The following USP46 variants were observed in gnomAD, a reference collection of about 807,000 sequenced individuals.
The protein encoded by USP46 is ubiquitin specific peptidase 46.
In USP46, 12 loss-of-function variants were observed where a neutral mutation model predicts 44.4. That is an observed-to-expected ratio of 0.27 (90% CI 0.17 to 0.44). The LOEUF (loss-of-function observed/expected upper bound fraction) is 0.44, where lower values mean the gene tolerates loss of function less well. USP46 is among the 20% of genes least tolerant of loss of function. USP46 has a pLI of 1.00. For synonymous variants in USP46, 155 were observed against 161.5 expected (o/e 0.96, Z 0.31); for missense variants, 248 against 444.8 (o/e 0.56, Z 3.98).
intron 1 of USP46, among the ~76,000 whole-genome samples, chr4:52,638,458 T>C (rs1718204300): frequency 1.3e-5 from 2 of 152,180 alleles, no homozygotes; most frequent in East Asian, 3.9e-4. Flanking sequence ...TATTTTTGTC[T>C]TTTTAAGCTA....
chr4:52,631,105 C>G lies in USP46; in HGVS notation c.76G>C (p.Glu26Gln). 1 of 1,567,934 alleles carries G rather than the reference C, an allele frequency of 6.4e-7. No homozygotes were observed. The highest frequency in any genetic ancestry group is 2.3e-5 in the East Asian group (1 of 43,300). ...ASALEKDIGPEQFPINEHYFG... is the reference protein window; with the variant it reads ...ASALEKDIGPQQFPINEHYFG... Reference sequence around the variant, plus strand: ...TAGTGTTCATTGATTGGAAACTGCTCTGGACCAATGTCTTTTTCCAGAGCA... The same window carrying G: ...TAGTGTTCATTGATTGGAAACTGCTGTGGACCAATGTCTTTTTCCAGAGCA... The change falls in exon 2 of 9, where the codon GAG becomes CAG. Residue 26 changes from glutamate (E) to glutamine (Q), a missense_variant. This residue lies in a region of USP46 where 31 missense variants were observed against 32.5 expected (regional missense o/e 0.96). Coordinates refer to ENST00000441222, the MANE Select transcript of USP46 (RefSeq NM_022832.4).
In USP46 at chr4:52,591,803, A is replaced by T. The variant is rs1403812622; in HGVS notation, c.*5837T>A. 1.3e-5 allele frequency: 2 copies of T among 152,210 alleles called. No homozygotes were observed. Among genetic ancestry groups the T allele is most frequent in the African/African-American group, 4.8e-5 (2 of 41,446 alleles). 9.4% of individuals were successfully genotyped at this position (152,210 alleles called of 1,614,324 possible). On this transcript the variant is annotated 3_prime_UTR_variant, in exon 9 of 9. Coordinates refer to ENST00000441222, the MANE Select transcript of USP46 (RefSeq NM_022832.4). ...CCCTATCTTATTTTGGTAAGTCTAG[A>T]TAGGCTCTAATTATTTGGTCATAAT...
chr4:52,655,831 A>C (rs2109377567), intron 1 of USP46, among the ~76,000 whole-genome samples: 1 of 152,378 alleles, frequency 6.6e-6, no homozygotes, highest in South Asian at 2.1e-4. Flanking sequence ...ATTAAAACAA[A>C]TAGAAACTAG....
intron 4 of USP46, among the ~76,000 whole-genome samples, chr4:52,613,580 G>A (rs1717014007): frequency 6.6e-6 from 1 of 151,976 alleles, no homozygotes; most frequent in African/African-American, 2.4e-5. Flanking sequence ...AAATTAGCTG[G>A]GTGCGGTGGC....
intron 1 of USP46, among the ~76,000 whole-genome samples, chr4:52,644,654 AG>A (rs1718472700): frequency 6.6e-6 from 1 of 151,190 alleles, no homozygotes; most frequent in Non-Finnish European, 1.5e-5. Context: ...AGCTCTGCCC[AG>A]GTTTGTGGAA....
At chr4:52,603,187 A>AC (rs923372769) in intron 6 of USP46, among the ~76,000 whole-genome samples, 6 of 152,050 alleles carry the variant, frequency 3.9e-5, no homozygotes, top group Non-Finnish European at 7.4e-5. Flanking sequence ...CAATATATAA[A>AC]CCCCCCAGGG....
chr4:52,659,168 C>A lies in USP46; in HGVS notation c.-18G>T. 1 of 1,550,584 alleles carries A rather than the reference C, an allele frequency of 6.4e-7. No individual in the cohort carries two copies. The highest frequency in any genetic ancestry group is 1.2e-5 in the South Asian group (1 of 83,628). On this transcript the variant is annotated 5_prime_UTR_variant, in exon 1 of 9. Transcript: ENST00000441222. The surrounding 1 kb of genome is among the most constrained non-coding windows in gnomAD (Gnocchi z 4.2). ...ACAGTCATTAGTCTAAAGGTTGCAG[C>A]GATCCCTCACCGCCATCTTTACAAG...
chr4:52,605,320 C>T lies in USP46; in HGVS notation c.639-736G>A, dbSNP rs558853796. 1.3e-3 allele frequency among the ~76,000 whole-genome samples: 197 copies of T among 152,268 alleles called. 1 individual carries two copies. Among genetic ancestry groups the T allele is most frequent in the Middle Eastern group, 3.4e-3 (1 of 294 alleles). On this transcript the variant is annotated intron_variant, in intron 5 of 8. Coordinates refer to ENST00000441222, the MANE Select transcript of USP46 (RefSeq NM_022832.4). ...TCATGAGGTTCTACTCTGCTACTTA[C>T]GGTTTTTATTTTTTAAATGTCATGG...
At chr4:52,625,654 A>C (rs1717551344) in intron 4 of USP46, among the ~76,000 whole-genome samples, 4 of 152,144 alleles carry the variant, frequency 2.6e-5, no homozygotes, top group Admixed American at 2.6e-4. Context: ...GACTGCCTCT[A>C]AACTGGGGTG....
chr4:52,624,722 T>C (rs542742262), intron 4 of USP46, among the ~76,000 whole-genome samples: 1 of 152,266 alleles, frequency 6.6e-6, no homozygotes, highest in African/African-American at 2.4e-5. Flanking sequence ...TATTTGGAGA[T>C]GGGCCTCTGG....
chr4:52,603,541 T>G (rs546646144), intron 6 of USP46, among the ~76,000 whole-genome samples: 41 of 152,270 alleles, frequency 2.7e-4, no homozygotes, highest in African/African-American at 8.9e-4. Flanking sequence ...ACAGGAAGCC[T>G]TCGCAGGATG....
intron 1 of USP46, among the ~76,000 whole-genome samples, chr4:52,634,911 T>C (rs975436779): frequency 2.6e-5 from 4 of 152,312 alleles, no homozygotes; most frequent in Middle Eastern, 6.8e-3. Flanking sequence ...AGCAACTTGA[T>C]GTCCTATTTT....
At position 52,629,967 on chromosome 4, in the gene USP46, G is replaced by T. The variant is rs180818324; in HGVS notation, c.117+1097C>A. 1.8e-4 allele frequency among the ~76,000 whole-genome samples: 28 copies of T among 152,318 alleles called. No individual in the cohort carries two copies. In the East Asian group the frequency reaches 5.2e-3, roughly 28 times the overall value. On this transcript the variant is annotated intron_variant, in intron 2 of 8. Transcript: ENST00000441222. ...ATTATATCATGGGCAGCATTTACTT[G>T]CAGAGAATTATTTCCAACTTTCCCA...
At position 52,637,758 on chromosome 4, in the gene USP46, T is replaced by C. The variant is rs957695826; in HGVS notation, c.37-6614A>G. 2.6e-5 allele frequency among the ~76,000 whole-genome samples: 4 copies of C among 152,210 alleles called. No homozygotes were observed. In the East Asian group the frequency reaches 7.7e-4, roughly 29 times the overall value. ...CCACTGTCAACGCTGCAAAAAGTGCTCTTTTAAAATATGAATCTGCTTAAA... is the reference window on the plus strand; with the variant it reads ...CCACTGTCAACGCTGCAAAAAGTGCCCTTTTAAAATATGAATCTGCTTAAA... On this transcript the variant is annotated intron_variant, in intron 1 of 8. Transcript: ENST00000441222.
intron 6 of USP46, among the ~76,000 whole-genome samples, chr4:52,602,280 T>A (rs1043812621): frequency 6.6e-6 from 1 of 152,220 alleles, no homozygotes; most frequent in Admixed American, 6.5e-5. Flanking sequence ...TGTCTGTTTG[T>A]TGGAAGGAGA....
At chr4:52,622,325 T>C (rs1446582582) in intron 4 of USP46, among the ~76,000 whole-genome samples, 1 of 152,188 alleles carries the variant, frequency 6.6e-6, no homozygotes, top group Non-Finnish European at 1.5e-5. Context: ...CACACACACA[T>C]ATACTTCTTT....
At position 52,592,193 on chromosome 4, in the gene USP46, G is replaced by A. The variant is rs954323117; in HGVS notation, c.*5447C>T. 4 of 152,030 alleles carry A rather than the reference G, an allele frequency of 2.6e-5. No individual in the cohort carries two copies. Among genetic ancestry groups the A allele is most frequent in the South Asian group, 2.1e-4 (1 of 4,810 alleles). The allele number at this position is 152,030 out of a possible 1,614,324, so 9.4% of individuals were successfully genotyped here. Reference sequence around the variant, plus strand: ...AGACTTGTCTTCTGAGACAAAAAACGAGTCCATAAGAGGGACCCAATCTGT... The same window carrying A: ...AGACTTGTCTTCTGAGACAAAAAACAAGTCCATAAGAGGGACCCAATCTGT... On this transcript the variant is annotated 3_prime_UTR_variant, in exon 9 of 9. Coordinates refer to ENST00000441222, the MANE Select transcript of USP46 (RefSeq NM_022832.4).
chr4:52,597,878 C>T (rs1716307808), intron 8 of USP46, 137 bp from the exon 9 acceptor site: 1 of 658,740 alleles, frequency 1.5e-6, no homozygotes, highest in Admixed American at 3.3e-5. Flanking sequence ...CTTTCAATAG[C>T]AAATGGAGAA....
intron 8 of USP46, 107 bp downstream of exon 8, chr4:52,598,521 A>T (rs530820786): frequency 1.5e-5 from 18 of 1,204,198 alleles, no homozygotes; most frequent in Non-Finnish European, 2.1e-5. Flanking sequence ...TTGTTTTCAA[A>T]TTACATTATG....
Sources: allele counts gnomAD v4.1 joint callset (sites outside exome capture counted in the v4.1 genomes callset), GRCh38; gene constraint gnomAD v4.1.1; regional missense constraint gnomAD v4.1.1; non-coding constraint Gnocchi (gnomAD v3.1); transcripts MANE v1.5; gene names NCBI Gene and HGNC (gene_info 2026-07-23, HGNC 2026-07-21).